The following OSBPL10 variants were observed in gnomAD, a reference collection of about 807,000 sequenced individuals.
OSBPL10 encodes the protein oxysterol-binding protein-related protein 10.
In OSBPL10, 49 loss-of-function variants were observed where a neutral mutation model predicts 81.7. The observed-to-expected ratio is 0.60, with a 90% CI of 0.48 to 0.76. The LOEUF (loss-of-function observed/expected upper bound fraction) is 0.76. OSBPL10 is among the 30% of genes least tolerant of loss of function. The probability of loss-of-function intolerance (pLI) is 0.00; values close to 1 mark genes in which losing one functional copy is unlikely to be tolerated. For missense variants in OSBPL10, 923 were observed against 987.8 expected, an observed-to-expected ratio of 0.93 and a Z score of 0.88; for synonymous variants, 419 against 383.6, an observed-to-expected ratio of 1.09 and a Z score of -1.08.
At chr3:31,873,599 C>T (rs1026937877) in intron 3 of OSBPL10, among the ~76,000 whole-genome samples, 1 of 152,216 alleles carries the variant, frequency 6.6e-6, no homozygotes, top group Non-Finnish European at 1.5e-5. Context: ...ACCCTGAACA[C>T]GATTTTACGT....
rs73055401 is a variant in OSBPL10 at position 31,773,786 on chromosome 3, G to A, written c.730-25666C>T. ...AGTAGTGACACTCAGTCAGAGACTC[G>A]AGTGCAGTGCACACTGCCTGGCATC... On this transcript the variant is annotated intron_variant, in intron 4 of 11. Transcript: ENST00000396556. Among the ~76,000 whole-genome samples, 589 of 152,304 alleles carry A rather than the reference G, an allele frequency of 3.9e-3. 3 individuals are homozygous for A. Among genetic ancestry groups the A allele is most frequent in the Non-Finnish European group, 6.8e-3 (465 of 68,024 alleles).
chr3:31,735,778 C>T (rs981403951), intron 5 of OSBPL10, among the ~76,000 whole-genome samples: 3 of 152,042 alleles, frequency 2.0e-5, no homozygotes, highest in Non-Finnish European at 4.4e-5. Context: ...CAAAATAGCA[C>T]CCCAAAGGCA....
At chr3:32,018,302 T>G (rs944888419) in intron 2 of OSBPL10, among the ~76,000 whole-genome samples, 1 of 152,148 alleles carries the variant, frequency 6.6e-6, no homozygotes, top group Non-Finnish European at 1.5e-5. Flanking sequence ...GAAGGATTGG[T>G]GCAATGATAG....
intron 3 of OSBPL10, among the ~76,000 whole-genome samples, chr3:31,871,197 C>T (rs1038166252): frequency 1.6e-4 from 24 of 152,162 alleles, no homozygotes; most frequent in Admixed American, 4.6e-4. Flanking sequence ...TCTTTGGGTC[C>T]ACACTGCTTT....
intron 1 of OSBPL10, among the ~76,000 whole-genome samples, chr3:31,930,003 C>CAAACAAACAAAAAAAAAAAAAAAAAAAAA (rs1306473764): frequency 2.8e-5 from 2 of 72,574 alleles, no homozygotes. Flanking sequence ...TGTCACCAAC[C>CAAACAAACAAAAAAAAAAAAAAAAAAAAA]AAAAAAAAAA....
chr3:31,975,133 C>T (rs921677015), intron 1 of OSBPL10, among the ~76,000 whole-genome samples: 3 of 152,108 alleles, frequency 2.0e-5, no homozygotes, highest in Admixed American at 6.5e-5. Context: ...GTGCTCAATA[C>T]GTATTTTGAA....
chr3:31,939,568 T>G (rs1209032025), intron 1 of OSBPL10, among the ~76,000 whole-genome samples: 2 of 152,038 alleles, frequency 1.3e-5, no homozygotes, highest in African/African-American at 2.4e-5. Flanking sequence ...TCCCAGTGAA[T>G]CTGGCTTCCT....
chr3:31,687,477 AAAT>A (rs1700822070), intron 7 of OSBPL10, among the ~76,000 whole-genome samples: 1 of 152,148 alleles, frequency 6.6e-6, no homozygotes, highest in African/African-American at 2.4e-5. Flanking sequence ...TTAAAAAAAA[AAAT>A]AAGTAAATAA....
At position 31,953,895 on chromosome 3, in the gene OSBPL10, C is replaced by A. The variant is rs150485014; in HGVS notation, c.281+27004G>T. On this transcript the variant is annotated intron_variant, in intron 1 of 11. Coordinates refer to ENST00000396556, the MANE Select transcript of OSBPL10 (RefSeq NM_017784.5). ...AAATGAAAGAGGAGGAGAGAAGGAA[C>A]TGGGGCAAGAGGCAACAGAATGACG... Among the ~76,000 whole-genome samples, 300 of 152,304 alleles carry A rather than the reference C, an allele frequency of 2.0e-3. 6 individuals carry two copies. Among genetic ancestry groups the A allele is most frequent in the African/African-American group, 6.7e-3 (280 of 41,568 alleles).
At chr3:31,810,030 C>T (rs922442711) in intron 4 of OSBPL10, among the ~76,000 whole-genome samples, 7 of 152,006 alleles carry the variant, frequency 4.6e-5, no homozygotes, top group Middle Eastern at 3.4e-3. Flanking sequence ...TGCCACCACG[C>T]CCGGCTAATT....
chr3:31,827,305 A>G (rs964856746), intron 4 of OSBPL10, among the ~76,000 whole-genome samples: 7 of 151,592 alleles, frequency 4.6e-5, no homozygotes, highest in South Asian at 2.1e-4. Context: ...AATACGATAA[A>G]GGAAAAAAAA....
In OSBPL10 at chr3:31,898,019, AAAAAAAAAAAAAAAAAAAC is replaced by A. The variant is rs1300775320; in HGVS notation, c.282-18208_282-18190del. On this transcript the variant is annotated intron_variant, in intron 1 of 11. Coordinates refer to ENST00000396556, the MANE Select transcript of OSBPL10 (RefSeq NM_017784.5). The stretch of plus-strand genomic sequence containing the variant: ...CGAGAACTCTGTCAAAAAAAAAAAA[AAAAAAAAAAAAAAAAAAAC>A]AGAAGAAGAAGAGAAAGGAATGATA... Among the ~76,000 whole-genome samples, 4 of 90,588 alleles carry A rather than the reference AAAAAAAAAAAAAAAAAAAC, an allele frequency of 4.4e-5. No homozygotes were observed. The South Asian group carries it at 1.0e-3, about 23-fold the overall frequency. The allele number at this position is 90,588 out of a possible 152,430, so 59.4% of individuals were successfully genotyped here. A position where few individuals can be genotyped will look rare whatever the true frequency, so the allele number is the denominator to read the frequency against.
intron 6 of OSBPL10, chr3:31,721,549 T>G (rs1696645117): frequency 1.3e-5 from 2 of 152,324 alleles, no homozygotes; most frequent in Admixed American, 6.5e-5. Context: ...ACCCTGATAA[T>G]TATTAAATTA....
At chr3:32,038,080 C>A (rs145804852) in intron 2 of OSBPL10, among the ~76,000 whole-genome samples, 58 of 152,244 alleles carry the variant, frequency 3.8e-4, no homozygotes, top group African/African-American at 1.3e-3. Flanking sequence ...TTCCCTCGAG[C>A]CTTTGCAAAG....
At position 31,830,339 on chromosome 3, in the gene OSBPL10, AG is replaced by A. The variant is rs1700210388; in HGVS notation, c.538-109del. On this transcript the variant is annotated intron_variant, in intron 3 of 11. Coordinates refer to ENST00000396556, the MANE Select transcript of OSBPL10 (RefSeq NM_017784.5). ...CTTCATCTTTCCCCTTCCTCTCTTTAGGGAGCTGAAGGTATGAAGGAGGTAT... is the reference window on the plus strand; with the variant it reads ...CTTCATCTTTCCCCTTCCTCTCTTTAGGAGCTGAAGGTATGAAGGAGGTAT... 28 of 1,125,290 alleles carry A rather than the reference AG, an allele frequency of 2.5e-5. No individual in the cohort carries two copies. The South Asian group carries it at 4.6e-4, about 18-fold the overall frequency. The allele number at this position is 1,125,290 out of a possible 1,614,324, so 69.7% of individuals were successfully genotyped here. A position where few individuals can be genotyped will look rare whatever the true frequency, so the allele number is the denominator to read the frequency against.
intron 6 of OSBPL10, chr3:31,707,559 A>C (rs1301977380): frequency 6.6e-6 from 1 of 152,216 alleles, no homozygotes; most frequent in East Asian, 1.9e-4. Flanking sequence ...GCACTGAGTG[A>C]CAAGACCATA....
At chr3:32,074,621 C>G (rs563206791) in intron 1 of OSBPL10, among the ~76,000 whole-genome samples, 5 of 152,306 alleles carry the variant, frequency 3.3e-5, no homozygotes, top group East Asian at 3.9e-4. Context: ...CTCCTAGCCC[C>G]TCCTCTTGCT....
chr3:31,677,897 A>T (rs1381958011), intron 8 of OSBPL10, among the ~76,000 whole-genome samples: 1 of 149,336 alleles, frequency 6.7e-6, no homozygotes. Flanking sequence ...CTGGCTAACA[A>T]GGTGAAACCC....
intron 10 of OSBPL10, among the ~76,000 whole-genome samples, chr3:31,664,908 G>T (rs1700153867): frequency 6.6e-6 from 1 of 151,968 alleles, no homozygotes; most frequent in South Asian, 2.1e-4. Flanking sequence ...GTGAGGCCAG[G>T]CTGTTCAGCT....
Sources: allele counts gnomAD v4.1 joint callset (sites outside exome capture counted in the v4.1 genomes callset), GRCh38; gene constraint gnomAD v4.1.1; transcripts MANE v1.5; gene names NCBI Gene and HGNC (gene_info 2026-07-23, HGNC 2026-07-21).